Variants in NUP210L observed in about 807,000 individuals in gnomAD.
NUP210L encodes the protein nucleoporin 210 like.
In NUP210L, 74 loss-of-function variants were observed where a neutral mutation model predicts 208.5. That is an observed-to-expected ratio of 0.35 (90% confidence interval 0.29 to 0.43). NUP210L has a LOEUF of 0.43. Among genes scored for constraint, NUP210L ranks in the 20% least tolerant of loss-of-function variants. The pLI is 1.00. For synonymous variants in NUP210L, 780 were observed against 816.9 expected (o/e 0.95, Z 0.77); for missense variants, 1,843 against 2,289.4 (o/e 0.81, Z 3.98).
chr1:154,117,782 C>G, exon 12 of NUP210L: 1 of 1,542,988 alleles, frequency 6.5e-7, no homozygotes, highest in Non-Finnish European at 8.8e-7. Context: ...CAGTACTATT[C>G]CCCCTGACCT....
At chr1:154,065,086 TAAATA>T (rs57418988) in intron 17 of NUP210L, among the ~76,000 whole-genome samples, 22,578 of 134,302 alleles carry the variant, frequency 0.17, 2,132 homozygotes, top group African/African-American at 0.25. Flanking sequence ...AGTAAATAAA[TAAATA>T]AAATAAAATA....
At chr1:154,000,862 C>T (rs1650168545) in exon 37 of NUP210L, 1 of 1,613,356 alleles carries the variant, frequency 6.2e-7, no homozygotes, top group African/African-American at 1.3e-5. Context: ...TTACCTGCAC[C>T]CAACTTATCT....
exon 29 of NUP210L, chr1:154,027,595 C>G (rs758713103): frequency 6.2e-7 from 1 of 1,607,626 alleles, no homozygotes; most frequent in African/African-American, 1.3e-5. Context: ...GTTTTTCAAA[C>G]ACCTATAATG....
chr1:154,055,655 C>T (rs1653828007), intron 23 of NUP210L, among the ~76,000 whole-genome samples: 1 of 152,188 alleles, frequency 6.6e-6, no homozygotes, highest in Non-Finnish European at 1.5e-5. Context: ...ATCAACCTCT[C>T]AAAGTGCTGG....
chr1:154,012,152 A>C lies in NUP210L; in HGVS notation c.4780+92T>G, dbSNP rs1046779523. 7 of 1,318,960 alleles carry C rather than the reference A, an allele frequency of 5.3e-6. No individual in the cohort carries two copies. In the Admixed American group the frequency reaches 8.7e-5, roughly 16 times the overall value. 81.7% of individuals were successfully genotyped at this position (1,318,960 alleles called of 1,614,324 possible). On this transcript the variant is annotated intron_variant, in intron 34 of 39. Coordinates refer to ENST00000368559, the Ensembl canonical transcript of NUP210L. ...ATGGAGTCAGTTTTGAAATAAAAAG[A>C]AAATCTGGATTACTAATCCAAAGGG...
intron 28 of NUP210L, 67 bp downstream of exon 28, chr1:154,029,829 G>T: frequency 7.9e-7 from 1 of 1,267,720 alleles, no homozygotes; most frequent in African/African-American, 1.5e-5. Context: ...GCTCTTTGTT[G>T]ATGGTAAGAG....
intron 10 of NUP210L, 54 bp downstream of exon 10, chr1:154,126,253 TGCAAATCAACAAGTCA>T (rs1657970290): frequency 2.2e-6 from 3 of 1,385,218 alleles, no homozygotes; most frequent in Non-Finnish European, 3.0e-6. Context: ...TATATCTGCT[TGCAAATCAACAAGTCA>T]GCCAAGCCTC....
rs142786526 is a variant in NUP210L, at chr1:154,120,983, G to A, written c.1327-2175C>T. 5.1e-3 allele frequency among the ~76,000 whole-genome samples: 775 copies of A among 151,474 alleles called. 6 individuals are homozygous for A. The highest frequency in any genetic ancestry group is 0.017 in the South Asian group (83 of 4,780). ...CCTTTATTGTTGATTTTAATCACAT[G>A]ATTGCAGACAAGGTATAATAATCTG... On this transcript the variant is annotated intron_variant, in intron 10 of 39. Coordinates refer to ENST00000368559, the Ensembl canonical transcript of NUP210L.
At chr1:154,067,573 T>C (rs1253252358) in intron 17 of NUP210L, among the ~76,000 whole-genome samples, 1 of 152,234 alleles carries the variant, frequency 6.6e-6, no homozygotes, top group South Asian at 2.1e-4. Flanking sequence ...CTATTCAACA[T>C]AGTGTTGGAA....
chr1:154,032,406 G>A (rs1457858817), intron 27 of NUP210L, among the ~76,000 whole-genome samples: 1 of 152,090 alleles, frequency 6.6e-6, no homozygotes, highest in East Asian at 1.9e-4. Flanking sequence ...TTTAACTGGG[G>A]TGAGATATCT....
chr1:154,056,837 G>A (rs1419714295), exon 23 of NUP210L: 1 of 1,590,966 alleles, frequency 6.3e-7, no homozygotes. Context: ...AGGAGTTGAT[G>A]TGTATTTTCT....
At chr1:154,042,981 G>T (rs1263672050) in intron 27 of NUP210L, among the ~76,000 whole-genome samples, 1 of 148,896 alleles carries the variant, frequency 6.7e-6, no homozygotes, top group South Asian at 2.1e-4. Flanking sequence ...CAAATTGCTG[G>T]AATTACAGCT....
At chr1:154,054,778 T>C in exon 24 of NUP210L, 1 of 1,611,976 alleles carries the variant, frequency 6.2e-7, no homozygotes, top group Non-Finnish European at 8.5e-7. Flanking sequence ...ACCTGCATCA[T>C]ATTCATTGGA....
At chr1:154,090,100 T>A (rs138709046) in intron 15 of NUP210L, among the ~76,000 whole-genome samples, 20 of 151,666 alleles carry the variant, frequency 1.3e-4, no homozygotes, top group African/African-American at 4.8e-4. Flanking sequence ...TAACTTTGAC[T>A]GGGTGTGGTG....
chr1:154,061,027 C>T, exon 19 of NUP210L: 1 of 1,611,944 alleles, frequency 6.2e-7, no homozygotes, highest in Non-Finnish European at 8.5e-7. Context: ...ATCTACAGAT[C>T]TGGGCAAGTT....
intron 37 of NUP210L, among the ~76,000 whole-genome samples, chr1:154,000,230 C>G (rs1345742982): frequency 1.3e-5 from 2 of 152,102 alleles, no homozygotes; most frequent in Non-Finnish European, 2.9e-5. Flanking sequence ...AAGATTCATG[C>G]CTCAACTAGT....
chr1:154,065,274 G>C, intron 17 of NUP210L, among the ~76,000 whole-genome samples: 1 of 151,628 alleles, frequency 6.6e-6, no homozygotes. Context: ...TAAAAAATTA[G>C]CTGCTCTTGG....
At chr1:154,074,379 C>G (rs1300680544) in intron 16 of NUP210L, among the ~76,000 whole-genome samples, 1 of 151,642 alleles carries the variant, frequency 6.6e-6, no homozygotes, top group Admixed American at 6.6e-5. Flanking sequence ...TCTCTTCCAT[C>G]CCTCCTTCTC....
At chr1:154,068,779 A>G (rs1029644773) in intron 17 of NUP210L, among the ~76,000 whole-genome samples, 28 of 151,922 alleles carry the variant, frequency 1.8e-4, no homozygotes, top group Non-Finnish European at 2.6e-4. Flanking sequence ...GAACAATGAG[A>G]ACACATGGAC....
Sources: gnomAD v4.1 joint callset for allele counts (sites outside exome capture counted in the v4.1 genomes callset) on GRCh38, gnomAD v4.1.1 for gene constraint, MANE v1.5 for transcripts, NCBI Gene and HGNC (gene_info 2026-07-23, HGNC 2026-07-21) for gene names.